PCDHGA3: variants seen among roughly 807,000 people sequenced by gnomAD.
PCDHGA3 encodes the protein protocadherin gamma-A3.
Under a neutral mutation model 58.5 loss-of-function variants are expected in PCDHGA3, and 40 were observed. The observed-to-expected ratio is 0.68, with a 90% confidence interval of 0.53 to 0.89. The LOEUF (loss-of-function observed/expected upper bound fraction) is 0.89, where lower values mean the gene tolerates loss of function less well. PCDHGA3 is among the 40% of genes least tolerant of loss of function. PCDHGA3 has a pLI of 0.00. For missense variants in PCDHGA3, 1,223 were observed against 1,195.9 expected, an observed-to-expected ratio of 1.02 and a Z score of -0.33; for synonymous variants, 530 against 525.7, an observed-to-expected ratio of 1.01 and a Z score of -0.11.
chr5:141,413,665 C>T (rs770111467), intron 1 of PCDHGA3: 1 of 1,613,726 alleles, frequency 6.2e-7, no homozygotes, highest in East Asian at 2.2e-5. Flanking sequence ...AGCTATTGAT[C>T]CGGATGTGGG....
chr5:141,346,026 G>A lies in PCDHGA3; in HGVS notation c.1993G>A (p.Ala665Thr), dbSNP rs974585151. The change falls in exon 1 of 4, where the codon GCC becomes ACC. Residue 665 changes from alanine to threonine, a missense_variant. Transcript: ENST00000253812. ...CACTGTCACGCTCACCGTGGCCGTG[G>A]CCGACAGGATCCCCGACATCCTGGC... ...SATVTLTVAV[A>T]DRIPDILADL... The A allele has an allele frequency of 1.2e-6, 2 of 1,613,464 alleles. No homozygotes were observed. The highest frequency in any genetic ancestry group is 2.2e-5 in the East Asian group (1 of 44,864).
At chr5:141,404,469 C>T (rs1239367876) in intron 1 of PCDHGA3, 3 of 1,612,966 alleles carry the variant, frequency 1.9e-6, no homozygotes, top group African/African-American at 1.3e-5. Flanking sequence ...ACCTATGTCT[C>T]TATTAACTCA....
chr5:141,442,797 G>A (rs140116155), intron 1 of PCDHGA3, among the ~76,000 whole-genome samples: 1,916 of 152,222 alleles, frequency 0.013, 22 homozygotes, highest in Non-Finnish European at 0.02. Context: ...ATTTTACTTT[G>A]ATATTCAAAT....
At chr5:141,497,713 T>C (rs1357797720) in intron 2 of PCDHGA3, among the ~76,000 whole-genome samples, 3 of 152,084 alleles carry the variant, frequency 2.0e-5, no homozygotes, top group Non-Finnish European at 1.5e-5. Context: ...CTCATTTTTG[T>C]ATTTTTAGTA....
intron 1 of PCDHGA3, chr5:141,415,466 C>T (rs1187128064): frequency 6.2e-7 from 1 of 1,614,224 alleles, no homozygotes. Flanking sequence ...GTCTCTCTCA[C>T]CGCGGACTCG....
chr5:141,430,997 C>T, intron 1 of PCDHGA3: 1 of 1,613,926 alleles, frequency 6.2e-7, no homozygotes, highest in Non-Finnish European at 8.5e-7. Context: ...CCTGAATCCG[C>T]GCAGCGGCAG....
chr5:141,493,808 C>T lies in PCDHGA3; in HGVS notation c.2425-999C>T, dbSNP rs2099750260. On this transcript the variant is annotated intron_variant, in intron 1 of 3. Transcript: ENST00000253812. The surrounding 1 kb of genome is among the most constrained non-coding windows in gnomAD (Gnocchi z 4.3). ...CTTCTCCCTGGAGTAATCTGAGATA[C>T]TCACACTCTCTGCTTCTGGGAGCAA... is the stretch of plus-strand genomic sequence containing the variant. 6.6e-6 allele frequency among the ~76,000 whole-genome samples: 1 copy of T among 152,200 alleles called. No individual in the cohort carries two copies. The highest frequency in any genetic ancestry group is 1.5e-5 in the Non-Finnish European group (1 of 68,042).
intron 1 of PCDHGA3, chr5:141,428,219 T>C (rs749413221): frequency 8.4e-7 from 1 of 1,195,778 alleles, no homozygotes. Context: ...CACCTAGTCT[T>C]CGCAGACAGC....
intron 1 of PCDHGA3, chr5:141,423,869 T>A (rs1239422805): frequency 5.4e-6 from 7 of 1,285,484 alleles, no homozygotes; most frequent in Non-Finnish European, 6.9e-6. Flanking sequence ...TGAAAGTCAT[T>A]TTTCAATCTT....
At chr5:141,384,179 G>C in intron 1 of PCDHGA3, 7 of 1,613,830 alleles carry the variant, frequency 4.3e-6, no homozygotes, top group Non-Finnish European at 5.9e-6. Context: ...GCCACAGATG[G>C]TGGAACTCCT....
chr5:141,502,500 G>C (rs1398797155), intron 2 of PCDHGA3, among the ~76,000 whole-genome samples: 1 of 152,046 alleles, frequency 6.6e-6, no homozygotes, highest in Non-Finnish European at 1.5e-5. Flanking sequence ...ATCTAACGTC[G>C]GCCTGTCCCA....
chr5:141,393,460 A>T, intron 1 of PCDHGA3: 1 of 1,614,052 alleles, frequency 6.2e-7, no homozygotes, highest in Non-Finnish European at 8.5e-7. Flanking sequence ...ACGGCCTCGG[A>T]TGGCGGCAAG....
chr5:141,454,974 A>AT (rs2098808620), intron 1 of PCDHGA3, among the ~76,000 whole-genome samples: 1 of 151,182 alleles, frequency 6.6e-6, no homozygotes, highest in African/African-American at 2.4e-5. Context: ...CGCCTGGCTA[A>AT]TTTTTTAAAA....
chr5:141,496,342 G>A (rs1430202202), intron 2 of PCDHGA3, among the ~76,000 whole-genome samples: 1 of 152,208 alleles, frequency 6.6e-6, no homozygotes, highest in East Asian at 1.9e-4. Context: ...GAGCCTGGAG[G>A]AGTCTCAGAG....
chr5:141,400,220 T>C, intron 1 of PCDHGA3: 1 of 1,614,006 alleles, frequency 6.2e-7, no homozygotes. Context: ...ATCTCAGTGC[T>C]CTTCCTCCTG....
At chr5:141,372,411 C>G (rs1768748655) in intron 1 of PCDHGA3, 1 of 1,614,080 alleles carries the variant, frequency 6.2e-7, no homozygotes, top group East Asian at 2.2e-5. Context: ...AGAGATACAA[C>G]CTGACCTTAG....
intron 1 of PCDHGA3, among the ~76,000 whole-genome samples, chr5:141,455,899 ATTT>A (rs1561962776): frequency 1.3e-5 from 2 of 148,258 alleles, no homozygotes; most frequent in Non-Finnish European, 3.0e-5. Flanking sequence ...TTATTTATTT[ATTT>A]ATTTATTTAT....
chr5:141,394,701 C>G lies in PCDHGA3; in HGVS notation c.2424+48244C>G, dbSNP rs375281416. 1.9e-6 allele frequency: 3 copies of G among 1,613,162 alleles called. No homozygotes were observed. Among genetic ancestry groups the G allele is most frequent in the Non-Finnish European group, 2.5e-6 (3 of 1,179,880 alleles). ...GCACACGGGCGAGGTGCGCACGGCG[C>G]GAGCCCTGCTGGACAGAGATGCGCT... is the stretch of plus-strand genomic sequence containing the variant. On this transcript the variant is annotated intron_variant, in intron 1 of 3. Transcript: ENST00000253812.
At chr5:141,375,673 G>A (rs1467021613) in intron 1 of PCDHGA3, 1 of 1,614,248 alleles carries the variant, frequency 6.2e-7, no homozygotes. Flanking sequence ...ACCTACAGCT[G>A]TGGGTGACAG....
Sources: gnomAD v4.1 joint callset for allele counts (sites outside exome capture counted in the v4.1 genomes callset) on GRCh38, gnomAD v4.1.1 for gene constraint, Gnocchi (gnomAD v3.1) non-coding constraint, MANE v1.5 for transcripts, NCBI Gene and HGNC (gene_info 2026-07-23, HGNC 2026-07-21) for gene names.